The following CSMD1 variants were observed in gnomAD, a reference collection of about 807,000 sequenced individuals.
CSMD1 encodes CUB and Sushi multiple domains 1.
A neutral mutation model predicts 417.5 loss-of-function variants in CSMD1; 213 were observed. The observed-to-expected ratio is 0.51, with a 90% CI of 0.46 to 0.57. CSMD1 has a LOEUF of 0.57. Among genes scored for constraint, CSMD1 ranks in the 20% least tolerant of loss-of-function variants. CSMD1 has a pLI of 0.00. For missense variants in CSMD1, 6,923 were observed against 4,529.7 expected (o/e 1.53, Z -15.17); for synonymous variants, 2,862 against 1,736.8 (o/e 1.65, Z -16.11).
At chr8:4,954,535 AT>A (rs907656714) in intron 1 of CSMD1, among the ~76,000 whole-genome samples, 1 of 152,202 alleles carries the variant, frequency 6.6e-6, no homozygotes, top group Non-Finnish European at 1.5e-5. Flanking sequence ...TATAGATTTT[AT>A]TTTTTTAAAA....
intron 2 of CSMD1, among the ~76,000 whole-genome samples, chr8:4,513,783 A>G (rs1802955328): frequency 6.6e-6 from 1 of 152,212 alleles, no homozygotes; most frequent in South Asian, 2.1e-4. Flanking sequence ...ATTATTCCTT[A>G]TGTACAGCTG....
chr8:3,415,562 T>A (rs375897067), intron 12 of CSMD1, among the ~76,000 whole-genome samples: 11 of 152,332 alleles, frequency 7.2e-5, no homozygotes, highest in African/African-American at 2.6e-4. Flanking sequence ...TTTCACCATG[T>A]TGGCCACGCT....
intron 1 of CSMD1, among the ~76,000 whole-genome samples, chr8:4,851,081 T>G (rs574562766): frequency 2.0e-5 from 3 of 150,740 alleles, no homozygotes; most frequent in South Asian, 2.2e-4. Flanking sequence ...GTATATCTCC[T>G]AATGTTATCC....
At chr8:3,754,370 A>G (rs1284208582) in intron 5 of CSMD1, among the ~76,000 whole-genome samples, 1 of 152,150 alleles carries the variant, frequency 6.6e-6, no homozygotes, top group Non-Finnish European at 1.5e-5. Context: ...GAATCAGAAA[A>G]AAGGAAAAGA....
At chr8:3,213,989 G>A (rs1215106966) in intron 30 of CSMD1, among the ~76,000 whole-genome samples, 1 of 151,832 alleles carries the variant, frequency 6.6e-6, no homozygotes, top group Non-Finnish European at 1.5e-5. Context: ...GGGATCACAG[G>A]CACGCACCAC....
intron 54 of CSMD1, among the ~76,000 whole-genome samples, chr8:2,996,931 C>A (rs649296): frequency 0.2 from 30,013 of 152,146 alleles, 4,871 homozygotes; most frequent in African/African-American, 0.45. Flanking sequence ...TGTTTGGATA[C>A]AATGAAAGCT....
intron 3 of CSMD1, among the ~76,000 whole-genome samples, chr8:4,041,167 C>T (rs1301776142): frequency 6.6e-6 from 1 of 151,930 alleles, no homozygotes; most frequent in Admixed American, 6.5e-5. Context: ...CAGGCGCCCG[C>T]CACCACGCCC....
chr8:3,991,376 G>C (rs146805149), intron 5 of CSMD1, among the ~76,000 whole-genome samples: 116 of 152,266 alleles, frequency 7.6e-4, no homozygotes, highest in African/African-American at 2.7e-3. Flanking sequence ...ACTTCAGTGC[G>C]TCACGGTTGC....
intron 49 of CSMD1, among the ~76,000 whole-genome samples, chr8:3,085,076 C>G (rs1435518401): frequency 1.3e-5 from 2 of 152,086 alleles, no homozygotes; most frequent in Non-Finnish European, 2.9e-5. Context: ...TTGCGAGATT[C>G]TATTTTAAGT....
At chr8:3,300,869 G>C (rs1804337621) in intron 25 of CSMD1, among the ~76,000 whole-genome samples, 1 of 140,442 alleles carries the variant, frequency 7.1e-6, no homozygotes, top group Non-Finnish European at 1.5e-5. Context: ...TGAGGCAGGA[G>C]AATTGCTTGA....
chr8:3,755,548 C>G (rs528844201), intron 5 of CSMD1, among the ~76,000 whole-genome samples: 8 of 152,280 alleles, frequency 5.3e-5, no homozygotes, highest in African/African-American at 1.9e-4. Flanking sequence ...GTGAGCGCCG[C>G]AGCTGCTTGG....
chr8:3,732,891 C>T (rs1796338550), intron 6 of CSMD1, among the ~76,000 whole-genome samples: 1 of 152,114 alleles, frequency 6.6e-6, no homozygotes, highest in African/African-American at 2.4e-5. Flanking sequence ...ATCCATCCAT[C>T]TATCATCTAT....
At chr8:3,690,865 T>A (rs932814234) in intron 7 of CSMD1, among the ~76,000 whole-genome samples, 1 of 152,186 alleles carries the variant, frequency 6.6e-6, no homozygotes, top group Non-Finnish European at 1.5e-5. Context: ...ATTACCCAAA[T>A]ACATTGATTT....
chr8:4,685,549 C>A (rs1806316450), intron 1 of CSMD1, among the ~76,000 whole-genome samples: 2 of 151,888 alleles, frequency 1.3e-5, no homozygotes, highest in Non-Finnish European at 2.9e-5. Context: ...GCACTGCAGC[C>A]TGGGTGACAG....
At chr8:3,141,773 T>C (rs1188739565) in intron 41 of CSMD1, among the ~76,000 whole-genome samples, 1 of 149,410 alleles carries the variant, frequency 6.7e-6, no homozygotes, top group Non-Finnish European at 1.5e-5. Flanking sequence ...CACTACCGGC[T>C]TCCCAAGCCC....
intron 1 of CSMD1, among the ~76,000 whole-genome samples, chr8:4,931,785 G>A (rs947108665): frequency 1.3e-5 from 2 of 152,158 alleles, no homozygotes; most frequent in African/African-American, 2.4e-5. Flanking sequence ...GGGTGGTGAG[G>A]CTCAGAAAGA....
chr8:4,179,645 T>C (rs1798245575), intron 3 of CSMD1, among the ~76,000 whole-genome samples: 2 of 152,158 alleles, frequency 1.3e-5, no homozygotes, highest in Admixed American at 1.3e-4. Flanking sequence ...ACAGGCAACC[T>C]ACAGAATGGG....
At chr8:4,213,412 G>A (rs1448755247) in intron 3 of CSMD1, among the ~76,000 whole-genome samples, 1 of 152,120 alleles carries the variant, frequency 6.6e-6, no homozygotes, top group East Asian at 1.9e-4. Flanking sequence ...AATCACTGCT[G>A]GTAGTGCTTA....
intron 49 of CSMD1, among the ~76,000 whole-genome samples, chr8:3,080,706 A>G (rs779218821): frequency 6.6e-6 from 1 of 152,166 alleles, no homozygotes; most frequent in Admixed American, 6.5e-5. Context: ...ATTGGCATGC[A>G]TGTAATATCT....
Sources: gnomAD v4.1 joint callset for allele counts (sites outside exome capture counted in the v4.1 genomes callset) on GRCh38, gnomAD v4.1.1 for gene constraint, MANE v1.5 for transcripts, NCBI Gene and HGNC (gene_info 2026-07-23, HGNC 2026-07-21) for gene names.